Variants in SLC25A41 observed in about 807,000 individuals in gnomAD.
The protein encoded by SLC25A41 is mitochondrial carrier protein SCaMC-3L.
Under a neutral mutation model 34.7 loss-of-function variants are expected in SLC25A41, and 35 were observed. The observed-to-expected ratio is 1.01, with a 90% confidence interval of 0.77 to 1.34. SLC25A41 has a LOEUF of 1.34. Among genes scored for constraint, SLC25A41 ranks in the 40% most tolerant of loss-of-function variants. SLC25A41 has a pLI of 0.00. For synonymous variants in SLC25A41, 190 were observed against 209.9 expected, an observed-to-expected ratio of 0.91 and a Z score of 0.82; for missense variants, 492 against 489.8, an observed-to-expected ratio of 1.00 and a Z score of -0.04.
intron 2 of SLC25A41, among the ~76,000 whole-genome samples, chr19:6,430,861 C>G (rs1004898224): frequency 6.6e-6 from 1 of 151,730 alleles, no homozygotes; most frequent in African/African-American, 2.4e-5. Context: ...TTGCCCAGGC[C>G]GGAATGCAGT....
chr19:6,435,184 ACT>A (rs2092303507), upstream of SLC25A41, among the ~76,000 whole-genome samples: 1 of 149,576 alleles, frequency 6.7e-6, no homozygotes, highest in African/African-American at 2.5e-5. Flanking sequence ...AGATCTTGCC[ACT>A]GAACTCCAGC....
chr19:6,435,381 A>C (rs2092305134), upstream of SLC25A41, among the ~76,000 whole-genome samples: 1 of 151,904 alleles, frequency 6.6e-6, no homozygotes, highest in African/African-American at 2.4e-5. Context: ...CAGCCACCCG[A>C]GTGGCTAGGA....
In SLC25A41 at chr19:6,429,083, A is replaced by G. The variant is rs193209241; in HGVS notation, c.624+641T>C. Among the ~76,000 whole-genome samples, 18 of 46,546 alleles carry G rather than the reference A, an allele frequency of 3.9e-4. 1 individual carries two copies. Among genetic ancestry groups the G allele is most frequent in the South Asian group, 2.4e-3 (5 of 2,098 alleles). 30.5% of individuals were successfully genotyped at this position (46,546 alleles called of 152,430 possible). The stretch of plus-strand genomic sequence containing the variant: ...TGTTATATATATATATAATATATAT[A>G]TTATATATATGTTACATATATATAT... On this transcript the variant is annotated intron_variant, in intron 4 of 6. Coordinates refer to ENST00000321510, the MANE Select transcript of SLC25A41 (RefSeq NM_173637.4).
chr19:6,433,037 A>G (rs943852849), intron 1 of SLC25A41, among the ~76,000 whole-genome samples: 1 of 151,840 alleles, frequency 6.6e-6, no homozygotes, highest in Non-Finnish European at 1.5e-5. Context: ...TTAGGACTAT[A>G]TCTAGACTCT....
At chr19:6,433,866 C>A, upstream of SLC25A41, 2 of 492,464 alleles carry the variant, frequency 4.1e-6, no homozygotes, top group Non-Finnish European at 3.6e-6. Context: ...CCCCTTCCCC[C>A]AAGTATCCAC....
chr19:6,428,288 G>A (rs2092253246), intron 4 of SLC25A41, among the ~76,000 whole-genome samples: 2 of 151,496 alleles, frequency 1.3e-5, no homozygotes, highest in East Asian at 3.9e-4. Context: ...GTGGTGGCAG[G>A]CAGCTGTAAT....
In SLC25A41 at chr19:6,433,444, T is replaced by C. The variant is rs761304103; in HGVS notation, c.207+43A>G. The C allele has an allele frequency of 5.7e-6, 9 of 1,590,454 alleles. No individual in the cohort carries two copies. The Admixed American group carries it at 6.7e-5, about 12-fold the overall frequency. On this transcript the variant is annotated intron_variant, in intron 1 of 6. Transcript: ENST00000321510. Reference sequence around the variant, plus strand: ...TGGGTAGCCTGGCCTCTCCCTGTAGTCCTGACCAGAGGTGCCGGGACACTG... The same window carrying C: ...TGGGTAGCCTGGCCTCTCCCTGTAGCCCTGACCAGAGGTGCCGGGACACTG...
At position 6,431,816 on chromosome 19, in the gene SLC25A41, C is replaced by T. The variant is rs145233214; in HGVS notation, c.363+233G>A. ...ACCTCCAACCCCCACCTTGGCCCAG[C>T]GTTGGTCCCTGTCCCTGGCAAGTTC... On this transcript the variant is annotated intron_variant, in intron 2 of 6. Transcript: ENST00000321510. Among the ~76,000 whole-genome samples, 8 of 152,190 alleles carry T rather than the reference C, an allele frequency of 5.3e-5. No homozygotes were observed. The East Asian group carries it at 5.8e-4, about 11-fold the overall frequency.
At chr19:6,431,389 T>C (rs1374997968) in intron 2 of SLC25A41, among the ~76,000 whole-genome samples, 4 of 150,016 alleles carry the variant, frequency 2.7e-5, no homozygotes, top group Non-Finnish European at 4.4e-5. Flanking sequence ...GCTGAGACTA[T>C]GGGTGTGAGA....
In SLC25A41 at chr19:6,427,456, C is replaced by G. The variant is rs2092248809; in HGVS notation, c.670G>C (p.Gly224Arg). 2 of 1,597,508 alleles carry G rather than the reference C, an allele frequency of 1.3e-6. No individual in the cohort carries two copies. The highest frequency in any genetic ancestry group is 2.7e-5 in the African/African-American group (2 of 74,604). ...ATCTGCCTGGCGCAGTCCAGCAGCCCCTTGTACTGGCCCGTCCGACGCAAG... is the reference window on the plus strand; with the variant it reads ...ATCTGCCTGGCGCAGTCCAGCAGCCGCTTGTACTGGCCCGTCCGACGCAAG... ...LTLRRTGQYK[G>R]LLDCARQILQ... The change falls in exon 5 of 7, where the codon GGG (glycine) becomes CGG (arginine). Residue 224 changes from glycine to arginine, a missense_variant. By Grantham distance (125) the Gly-to-Arg change is moderately radical (BLOSUM62 -2). Transcript: ENST00000321510. This position sits in a 1 kb window ranked among gnomAD's most constrained non-coding sequence, Gnocchi z 4.9.
In SLC25A41 at chr19:6,427,501, C is replaced by T. The variant is rs915333574; in HGVS notation, c.625G>A (p.Val209Met). The change falls in exon 5 of 7, where the codon GTG (valine) becomes ATG (methionine). Residue 209 changes from valine (V) to methionine (M), a missense_variant and splice_region_variant. Val to Met is a conservative substitution (Grantham distance 21). Transcript: ENST00000321510. This position sits in a 1 kb window ranked among gnomAD's most constrained non-coding sequence, Gnocchi z 4.9. ...CGCAAGGTCAACCGCGTCTTCAGCA[C>T]CTGAGGATGGCGGGGAACAAGGCAG... ...ISQTLINPMEVLKTRLTLRRT... is the reference protein window; with the variant it reads ...ISQTLINPMEMLKTRLTLRRT... The T allele has an allele frequency of 7.2e-6, 11 of 1,526,212 alleles. No homozygotes were observed. In the Admixed American group the frequency reaches 1.4e-4, roughly 20 times the overall value. The allele number at this position is 1,526,212 out of a possible 1,614,324, so 94.5% of individuals were successfully genotyped here. A position where few individuals can be genotyped will look rare whatever the true frequency, so the allele number is the denominator to read the frequency against.
intron 2 of SLC25A41, 23 bp from the exon 3 acceptor site, chr19:6,430,184 A>T: frequency 6.3e-7 from 1 of 1,598,390 alleles, no homozygotes; most frequent in Non-Finnish European, 8.5e-7. Context: ...AGGACCCTGG[A>T]GGAGCCCCTG....
chr19:6,428,388 A>G (rs1480734654), intron 4 of SLC25A41, among the ~76,000 whole-genome samples: 7 of 149,354 alleles, frequency 4.7e-5, no homozygotes. Flanking sequence ...CCTGGGTGAC[A>G]GAGTGAGACT....
chr19:6,427,376 G>T lies in SLC25A41; in HGVS notation c.750C>A (p.Leu250=). The T allele has an allele frequency of 1.2e-6, 2 of 1,611,662 alleles. No homozygotes were observed. The highest frequency in any genetic ancestry group is 1.7e-6 in the Non-Finnish European group (2 of 1,178,914). ...CGGTGCAGGCATAGGGGATGATGCC[G>T]AGCATATTGGGCAGGTAGCCGCGGT... The part of the protein sequence containing the change: ...ALYRGYLPNM[L]GIIPYACTDL... Residue 250 remains leucine (L), a synonymous_variant, in exon 5 of 7, where the codon CTC becomes CTA. Transcript: ENST00000321510. This position sits in a 1 kb window ranked among gnomAD's most constrained non-coding sequence, Gnocchi z 4.9.
chr19:6,428,737 G>T (rs528151747), intron 4 of SLC25A41, among the ~76,000 whole-genome samples: 3 of 142,280 alleles, frequency 2.1e-5, no homozygotes, highest in African/African-American at 7.7e-5. Flanking sequence ...TTTGAGACAG[G>T]GTCTCCCTCT....
intron 4 of SLC25A41, among the ~76,000 whole-genome samples, chr19:6,429,206 G>A (rs1473128085): frequency 2.6e-5 from 2 of 76,288 alleles, no homozygotes; most frequent in Admixed American, 4.2e-4. Flanking sequence ...TAATATATAT[G>A]TTGTATATAA....
At position 6,427,676 on chromosome 19, in the gene SLC25A41, G is replaced by A. The variant is rs545909102; in HGVS notation, c.625-175C>T. On this transcript the variant is annotated intron_variant, in intron 4 of 6. Coordinates refer to ENST00000321510, the MANE Select transcript of SLC25A41 (RefSeq NM_173637.4). This position sits in a 1 kb window ranked among gnomAD's most constrained non-coding sequence, Gnocchi z 4.9. ...GAATGCTCTCTGAATTTTGAGTTCT[G>A]AAGCACAAATGCTGGCAAAGGCCAA... 6.6e-6 allele frequency among the ~76,000 whole-genome samples: 1 copy of A among 152,196 alleles called. No homozygotes were observed. Among genetic ancestry groups the A allele is most frequent in the Non-Finnish European group, 1.5e-5 (1 of 68,036 alleles).
chr19:6,430,129 C>T lies in SLC25A41; in HGVS notation c.396G>A (p.Leu132=). 1 of 1,613,098 alleles carries T rather than the reference C, an allele frequency of 6.2e-7. No individual in the cohort carries two copies. The highest frequency in any genetic ancestry group is 8.5e-7 in the Non-Finnish European group (1 of 1,179,490). The stretch of plus-strand genomic sequence containing the variant: ...GGACCATGCTCTGTAGCCCCCCCAG[C>T]AGGTTGGTGAAGTTCGTCTTGGAGG... ...VYSSKTNFTN[L]LGGLQSMVQE... Residue 132 remains leucine (L), a synonymous_variant, in exon 3 of 7, where the codon CTG becomes CTA. Transcript: ENST00000321510.
chr19:6,432,578 G>C (rs2092290634), intron 1 of SLC25A41, among the ~76,000 whole-genome samples: 1 of 141,562 alleles, frequency 7.1e-6, no homozygotes, highest in African/African-American at 2.7e-5. Flanking sequence ...CCTCCCCCCT[G>C]GTTTTTTTTT....
Sources: gnomAD v4.1 joint callset for allele counts (sites outside exome capture counted in the v4.1 genomes callset) on GRCh38, gnomAD v4.1.1 for gene constraint, Gnocchi (gnomAD v3.1) non-coding constraint, MANE v1.5 for transcripts, NCBI Gene and HGNC (gene_info 2026-07-23, HGNC 2026-07-21) for gene names.